RBPJ: variants seen among roughly 807,000 people sequenced by gnomAD.
RBPJ encodes the protein recombination signal binding protein for immunoglobulin kappa J region, also known as recombining binding protein suppressor of hairless.
A neutral mutation model predicts 67.8 loss-of-function variants in RBPJ; 9 were observed. The observed-to-expected ratio is 0.13, with a 90% CI of 0.08 to 0.23. RBPJ has a LOEUF of 0.23. Ranked by LOEUF, RBPJ falls within the 10% of genes least tolerant of loss-of-function variation. The pLI, the probability that RBPJ is intolerant of heterozygous loss-of-function variation, is 1.00. For missense variants in RBPJ, 305 were observed against 595.6 expected, an observed-to-expected ratio of 0.51 and a Z score of 5.08; for synonymous variants, 198 against 203.3, an observed-to-expected ratio of 0.97 and a Z score of 0.22.
intron 1 of RBPJ, among the ~76,000 whole-genome samples, chr4:26,196,197 G>A (rs905344509): frequency 6.6e-6 from 1 of 152,194 alleles, no homozygotes; most frequent in Non-Finnish European, 1.5e-5. Flanking sequence ...ATCAGCTGGT[G>A]TATGGATGAA....
the RBPJ span, among the ~76,000 whole-genome samples, chr4:26,129,764 A>G: frequency 6.6e-6 from 1 of 152,170 alleles, no homozygotes; most frequent in African/African-American, 2.4e-5. Context: ...TCTAGCCTCC[A>G]GACAGCAGAC....
At chr4:26,348,578 A>C (rs560416869) in intron 1 of RBPJ, among the ~76,000 whole-genome samples, 2 of 152,320 alleles carry the variant, frequency 1.3e-5, no homozygotes, top group African/African-American at 4.8e-5. Flanking sequence ...ATCATATTGT[A>C]CTGTACCAAT....
At chr4:26,243,624 TATTC>T (rs1385387679) in intron 1 of RBPJ, among the ~76,000 whole-genome samples, 2 of 152,220 alleles carry the variant, frequency 1.3e-5, no homozygotes, top group African/African-American at 2.4e-5. Context: ...ATGGGTAAAA[TATTC>T]ATCCAAAGTG....
chr4:26,420,969 C>A (rs547763881), intron 5 of RBPJ: 1 of 418,414 alleles, frequency 2.4e-6, no homozygotes. Flanking sequence ...GAGATTTTCT[C>A]CTTCTGTTGT....
intron 1 of RBPJ, among the ~76,000 whole-genome samples, chr4:26,265,488 G>T (rs1298909020): frequency 6.6e-6 from 1 of 151,428 alleles, no homozygotes; most frequent in African/African-American, 2.4e-5. Flanking sequence ...CTGCACTCCA[G>T]CCTGGGCCAT....
At chr4:26,138,373 GA>G in the RBPJ span, among the ~76,000 whole-genome samples, 241 of 147,304 alleles carry the variant, frequency 1.6e-3, 1 homozygote, top group African/African-American at 5.6e-3. Flanking sequence ...TGGCACTAGA[GA>G]AAAAAAAAAA....
intron 1 of RBPJ, among the ~76,000 whole-genome samples, chr4:26,201,606 G>A (rs951200772): frequency 2.0e-5 from 3 of 152,062 alleles, no homozygotes; most frequent in African/African-American, 7.2e-5. Context: ...CAACACACAT[G>A]ACCTGCAATT....
At chr4:26,385,009 C>G (rs1230728505) in intron 1 of RBPJ, among the ~76,000 whole-genome samples, 4 of 117,506 alleles carry the variant, frequency 3.4e-5, no homozygotes, top group South Asian at 3.4e-4. Context: ...CTCCCCTCCC[C>G]CCTTTCCTTT....
rs769154842 is a variant in RBPJ, at chr4:26,321,038, G to C, written c.10G>C (p.Val4Leu). Residue 4 changes from valine (V) to leucine (L), a missense_variant, in exon 1 of 11, where the codon GTT (valine) becomes CTT (leucine). Physicochemically the swap from Val to Leu is conservative, Grantham distance 32. Around this residue, in one of 7 missense-constraint regions of RBPJ, gnomAD observed 42 missense variants for 43.6 expected, o/e 0.96. Transcript: ENST00000355476. ...CGAGAGTTTGTGGAAGATGGCGCCT[G>C]TTGTGACAGGGTAAGTCTGAGGGAA... MAP[V>L]VTGKFGERPP... 2 of 1,612,494 alleles carry C rather than the reference G, an allele frequency of 1.2e-6. No individual in the cohort carries two copies. Among genetic ancestry groups the C allele is most frequent in the Non-Finnish European group, 1.7e-6 (2 of 1,178,714 alleles).
At chr4:26,283,527 A>G (rs1365671118) in intron 1 of RBPJ, among the ~76,000 whole-genome samples, 1 of 152,004 alleles carries the variant, frequency 6.6e-6, no homozygotes, top group East Asian at 2.0e-4. Context: ...CCTGGGCTAT[A>G]GAAGGAGACT....
At chr4:26,369,325 T>G (rs1336826197) in intron 1 of RBPJ, among the ~76,000 whole-genome samples, 1 of 152,240 alleles carries the variant, frequency 6.6e-6, no homozygotes, top group Non-Finnish European at 1.5e-5. Flanking sequence ...AATATCTGAG[T>G]GTGTTATGCT....
chr4:26,340,082 C>G (rs1725351999), intron 1 of RBPJ, among the ~76,000 whole-genome samples: 2 of 151,838 alleles, frequency 1.3e-5, no homozygotes, highest in Admixed American at 6.6e-5. Flanking sequence ...TACTACTTAC[C>G]AGTACTATAT....
At chr4:26,309,306 C>T (rs548231287) in intron 1 of RBPJ, among the ~76,000 whole-genome samples, 2 of 152,232 alleles carry the variant, frequency 1.3e-5, no homozygotes, top group East Asian at 1.9e-4. Flanking sequence ...CCTGAGCCAC[C>T]GTGTCCTGTG....
chr4:26,311,533 G>T (rs1185727236), intron 1 of RBPJ, among the ~76,000 whole-genome samples: 1 of 149,706 alleles, frequency 6.7e-6, no homozygotes, highest in Admixed American at 6.7e-5. Flanking sequence ...AGAGAGACTC[G>T]GTCTCAAAAA....
chr4:26,216,759 C>A (rs913255600), intron 1 of RBPJ, among the ~76,000 whole-genome samples: 3 of 152,070 alleles, frequency 2.0e-5, no homozygotes, highest in African/African-American at 4.8e-5. Context: ...CCCATCTCTA[C>A]AAAATAAATA....
At chr4:26,109,558 CCT>C in the RBPJ span, among the ~76,000 whole-genome samples, 108 of 30,098 alleles carry the variant, frequency 3.6e-3, 3 homozygotes, top group Non-Finnish European at 4.9e-3. Flanking sequence ...TGTCCACCTT[CCT>C]CTCTCTCTCT....
At chr4:26,401,594 A>T (rs572375012) in intron 2 of RBPJ, among the ~76,000 whole-genome samples, 1 of 152,362 alleles carries the variant, frequency 6.6e-6, no homozygotes, top group South Asian at 2.1e-4. Context: ...CCGAGTTGTC[A>T]TGAAAGGGAT....
intron 1 of RBPJ, among the ~76,000 whole-genome samples, chr4:26,372,570 A>G (rs1729271976): frequency 6.6e-6 from 1 of 152,042 alleles, no homozygotes; most frequent in South Asian, 2.1e-4. Context: ...ATGACTCAAA[A>G]CTCTGAAAAT....
intron 2 of RBPJ, among the ~76,000 whole-genome samples, chr4:26,402,036 G>C (rs1732874209): frequency 6.6e-6 from 1 of 151,930 alleles, no homozygotes; most frequent in African/African-American, 2.4e-5. Flanking sequence ...TTTCAGGCAT[G>C]TGCCACCATG....
Sources: allele counts gnomAD v4.1 joint callset (sites outside exome capture counted in the v4.1 genomes callset), GRCh38; gene constraint gnomAD v4.1.1; regional missense constraint gnomAD v4.1.1; transcripts MANE v1.5; gene names NCBI Gene and HGNC (gene_info 2026-07-23, HGNC 2026-07-21).